Variants in RBM47 observed in about 807,000 individuals in gnomAD.
The protein encoded by RBM47 is RNA binding motif protein 47, also known as RNA-binding protein 47.
Under a neutral mutation model 47.1 loss-of-function variants are expected in RBM47, and 21 were observed. That is an observed-to-expected ratio of 0.45 (90% confidence interval 0.32 to 0.64). The LOEUF (loss-of-function observed/expected upper bound fraction) is 0.64. RBM47 is among the 30% of genes least tolerant of loss of function. RBM47 has a pLI of 0.05. For synonymous variants in RBM47, 375 were observed against 361.7 expected, an observed-to-expected ratio of 1.04 and a Z score of -0.42; for missense variants, 708 against 870.9, an observed-to-expected ratio of 0.81 and a Z score of 2.35.
intron 1 of RBM47, among the ~76,000 whole-genome samples, chr4:40,592,193 T>C (rs1278240286): frequency 6.6e-6 from 1 of 152,114 alleles, no homozygotes; most frequent in Non-Finnish European, 1.5e-5. Context: ...ATCATCCGTT[T>C]GCAATTATTA....
In RBM47 at chr4:40,478,060, G is replaced by C. The variant is rs562741804; in HGVS notation, c.-154-11361C>G. Among the ~76,000 whole-genome samples, 13 of 126,158 alleles carry C rather than the reference G, an allele frequency of 1.0e-4. No homozygotes were observed. The South Asian group carries it at 2.6e-3, about 25-fold the overall frequency. 82.8% of individuals were successfully genotyped at this position (126,158 alleles called of 152,430 possible). ...GACAGAGTTTTGCTCTTATTACCCAGGCTGGAGTGCAGTGGCGCGATCTTG... is the reference window on the plus strand; with the variant it reads ...GACAGAGTTTTGCTCTTATTACCCACGCTGGAGTGCAGTGGCGCGATCTTG... On this transcript the variant is annotated intron_variant, in intron 2 of 6. Transcript: ENST00000295971.
chr4:40,566,974 CTCT>C (rs1159621657), intron 1 of RBM47, among the ~76,000 whole-genome samples: 1 of 143,590 alleles, frequency 7.0e-6, no homozygotes, highest in African/African-American at 3.0e-5. Flanking sequence ...CATTTATCCT[CTCT>C]TTTTTTTCTC....
intron 1 of RBM47, among the ~76,000 whole-genome samples, chr4:40,626,900 A>G (rs1274384339): frequency 6.6e-6 from 1 of 152,190 alleles, no homozygotes; most frequent in African/African-American, 2.4e-5. Context: ...GTGGCAACTG[A>G]GCAATTAGTT....
intron 3 of RBM47, among the ~76,000 whole-genome samples, chr4:40,459,623 A>G (rs1435004485): frequency 6.6e-6 from 1 of 152,234 alleles, no homozygotes; most frequent in Non-Finnish European, 1.5e-5. Flanking sequence ...ACCTGCATAT[A>G]GAACTGGGTA....
intron 2 of RBM47, among the ~76,000 whole-genome samples, chr4:40,518,131 C>T (rs927868780): frequency 6.7e-6 from 1 of 148,474 alleles, no homozygotes; most frequent in Non-Finnish European, 1.5e-5. Flanking sequence ...AATCACACCA[C>T]AAAACAAGCA....
At chr4:40,461,092 T>C (rs1023434057) in intron 3 of RBM47, among the ~76,000 whole-genome samples, 7 of 152,086 alleles carry the variant, frequency 4.6e-5, no homozygotes, top group African/African-American at 1.7e-4. Context: ...AGAAAATACA[T>C]ATCTAGAGTT....
At position 40,473,404 on chromosome 4, in the gene RBM47, T is replaced by C. The variant is rs183448862; in HGVS notation, c.-154-6705A>G. 2.2e-3 allele frequency among the ~76,000 whole-genome samples: 328 copies of C among 152,326 alleles called. 1 individual carries two copies. Among genetic ancestry groups the C allele is most frequent in the South Asian group, 7.7e-3 (37 of 4,824 alleles). On this transcript the variant is annotated intron_variant, in intron 2 of 6. Transcript: ENST00000295971. ...TCTGGAAGAGTAGAAAACTGAAATC[T>C]GTGCTATAACAAAAATGACAAATGA...
intron 2 of RBM47, among the ~76,000 whole-genome samples, chr4:40,525,883 T>C (rs571256807): frequency 1.3e-3 from 193 of 152,316 alleles, no homozygotes; most frequent in African/African-American, 4.5e-3. Flanking sequence ...CTGGCAGTGC[T>C]GCTATCAGAA....
rs369392635 is a variant in RBM47, at chr4:40,598,547, G to A, written c.-240+30849C>T. Among the ~76,000 whole-genome samples, 303 of 151,930 alleles carry A rather than the reference G, an allele frequency of 2.0e-3. 1 individual carries two copies. Among genetic ancestry groups the A allele is most frequent in the African/African-American group, 6.8e-3 (281 of 41,388 alleles). ...TTACAGGCATGAGCCACTGCGCCCG[G>A]CCCCAATCATAGAACTTTAAAATGA... On this transcript the variant is annotated intron_variant, in intron 1 of 6. Coordinates refer to ENST00000295971, the MANE Select transcript of RBM47 (RefSeq NM_001098634.2).
intron 2 of RBM47, chr4:40,542,957 T>C (rs1002170746): frequency 4.6e-5 from 7 of 152,208 alleles, no homozygotes; most frequent in African/African-American, 1.7e-4. Flanking sequence ...GGGACAGCAA[T>C]CCTTTCTGTC....
chr4:40,432,743 G>A lies in RBM47; in HGVS notation c.1450C>T (p.Pro484Ser). ...GCGGCAGCAGCACTGGCTGGGTCTG[G>A]CTGCACAGCAATGGGGCTGATCATG... ...EHMISPIAVQ[P>S]DPASAAAAAA... Residue 484 changes from proline (P) to serine (S), a missense_variant, in exon 6 of 7, where the codon CCA becomes TCA. Physicochemically the swap from Pro to Ser is moderately conservative, Grantham distance 74 (BLOSUM62 -1). Coordinates refer to ENST00000295971, the MANE Select transcript of RBM47 (RefSeq NM_001098634.2). 1 of 1,612,932 alleles carries A rather than the reference G, an allele frequency of 6.2e-7. No homozygotes were observed. The highest frequency in any genetic ancestry group is 8.5e-7 in the Non-Finnish European group (1 of 1,179,730).
rs1714620623 is a variant in RBM47 at position 40,423,448 on chromosome 4, T to C, written c.*2456A>G. On this transcript the variant is annotated 3_prime_UTR_variant, in exon 7 of 7. Transcript: ENST00000295971. ...TTTTTTTTTACATTTATATAGTTTGTTCTTAACACTAAAAAAAAAAAAAGT... is the reference window on the plus strand; with the variant it reads ...TTTTTTTTTACATTTATATAGTTTGCTCTTAACACTAAAAAAAAAAAAAGT... 6.6e-6 allele frequency: 1 copy of C among 151,730 alleles called. No homozygotes were observed. The highest frequency in any genetic ancestry group is 1.5e-5 in the Non-Finnish European group (1 of 67,934). 9.4% of individuals were successfully genotyped at this position (151,730 alleles called of 1,614,324 possible).
At chr4:40,592,979 ATTTTTTTTTTTTT>A (rs869035345) in intron 1 of RBM47, among the ~76,000 whole-genome samples, 5 of 14,218 alleles carry the variant, frequency 3.5e-4, no homozygotes, top group South Asian at 8.1e-3. Context: ...ATATATATAT[ATTTTTTTTTTTTT>A]TTTTTTTTTT....
chr4:40,426,071 C>T lies in RBM47; in HGVS notation c.1615G>A (p.Ala539Thr), dbSNP rs753820729. The T allele has an allele frequency of 1.2e-5, 20 of 1,614,094 alleles. 1 individual carries two copies. The South Asian group carries it at 2.1e-4, about 17-fold the overall frequency. ...GGAGCAGCAAATGGCACGTAACTGGCCCCGTAGATCCCGGCAGTAGGAATT... is the reference window on the plus strand; with the variant it reads ...GGAGCAGCAAATGGCACGTAACTGGTCCCGTAGATCCCGGCAGTAGGAATT... ...QRIPTAGIYGASYVPFAAPAT... is the reference protein window; with the variant it reads ...QRIPTAGIYGTSYVPFAAPAT... Residue 539 changes from alanine to threonine, a missense_variant, in exon 7 of 7, where the codon GCC becomes ACC. Physicochemically the swap from Ala to Thr is moderately conservative, Grantham distance 58 (BLOSUM62 0). Coordinates refer to ENST00000295971, the MANE Select transcript of RBM47 (RefSeq NM_001098634.2).
At chr4:40,521,797 T>C (rs1157177006) in intron 2 of RBM47, among the ~76,000 whole-genome samples, 2 of 152,100 alleles carry the variant, frequency 1.3e-5, no homozygotes, top group Admixed American at 1.3e-4. Flanking sequence ...AAAAGTTAAA[T>C]ATGGGGGAAC....
At chr4:40,448,549 G>A (rs1044989417) in intron 3 of RBM47, among the ~76,000 whole-genome samples, 18 of 151,986 alleles carry the variant, frequency 1.2e-4, no homozygotes, top group African/African-American at 4.1e-4. Context: ...TAATAATCAC[G>A]TCTTAAGCAT....
At chr4:40,594,154 C>T (rs1381042836) in intron 1 of RBM47, among the ~76,000 whole-genome samples, 22 of 152,092 alleles carry the variant, frequency 1.4e-4, no homozygotes, top group African/African-American at 4.1e-4. Flanking sequence ...AAAATCTCCA[C>T]GCTGCCCTGT....
intron 2 of RBM47, among the ~76,000 whole-genome samples, chr4:40,505,318 C>G (rs1251968702): frequency 6.6e-6 from 1 of 151,564 alleles, no homozygotes; most frequent in Non-Finnish European, 1.5e-5. Context: ...ATGGTGAAAC[C>G]CCGTCTCTAC....
At chr4:40,583,402 A>G (rs1157888095) in intron 1 of RBM47, among the ~76,000 whole-genome samples, 1 of 150,566 alleles carries the variant, frequency 6.6e-6, no homozygotes, top group Non-Finnish European at 1.5e-5. Context: ...AAAAAAAAAA[A>G]AAAAAAAAAA....
Sources: allele counts gnomAD v4.1 joint callset (sites outside exome capture counted in the v4.1 genomes callset), GRCh38; gene constraint gnomAD v4.1.1; transcripts MANE v1.5; gene names NCBI Gene and HGNC (gene_info 2026-07-23, HGNC 2026-07-21).